PARD3: variants seen among roughly 807,000 people sequenced by gnomAD.
PARD3 encodes the protein partitioning defective 3 homolog.
A neutral mutation model predicts 155.4 loss-of-function variants in PARD3; 75 were observed. That is an observed-to-expected ratio of 0.48 (90% CI 0.40 to 0.58). The LOEUF (loss-of-function observed/expected upper bound fraction) is 0.58, where lower values mean the gene tolerates loss of function less well. PARD3 is among the 20% of genes least tolerant of loss of function. The probability of loss-of-function intolerance (pLI) is 0.00; values close to 1 mark genes in which losing one functional copy is unlikely to be tolerated. For synonymous variants in PARD3, 576 were observed against 610.5 expected, an observed-to-expected ratio of 0.94 and a Z score of 0.83; for missense variants, 1,642 against 1,721.7, an observed-to-expected ratio of 0.95 and a Z score of 0.82.
At chr10:34,715,536 G>A (rs529452798) in intron 1 of PARD3, among the ~76,000 whole-genome samples, 1 of 152,190 alleles carries the variant, frequency 6.6e-6, no homozygotes, top group African/African-American at 2.4e-5. Flanking sequence ...CCCTTCCCTT[G>A]CGGAAATCTT....
intron 15 of PARD3, chr10:34,346,584 C>A (rs756659278): frequency 1.8e-6 from 2 of 1,105,240 alleles, no homozygotes; most frequent in Non-Finnish European, 2.4e-6. Flanking sequence ...AAGATTTATA[C>A]CAAAGCCAAG....
chr10:34,438,031 C>T (rs2076275847), intron 5 of PARD3, among the ~76,000 whole-genome samples: 1 of 152,146 alleles, frequency 6.6e-6, no homozygotes, highest in Non-Finnish European at 1.5e-5. Flanking sequence ...CCCTCTGCCC[C>T]CTCACTCCCT....
intron 10 of PARD3, among the ~76,000 whole-genome samples, chr10:34,377,206 A>C (rs1480844954): frequency 6.6e-6 from 1 of 152,202 alleles, no homozygotes; most frequent in Non-Finnish European, 1.5e-5. Flanking sequence ...ACATTTCCAC[A>C]TTGCCAGACA....
intron 1 of PARD3, among the ~76,000 whole-genome samples, chr10:34,705,084 TA>T (rs1049981044): frequency 0.012 from 1,746 of 149,738 alleles, 33 homozygotes; most frequent in African/African-American, 0.041. Context: ...GTTCTGTTCT[TA>T]AAAAAAAAAT....
chr10:34,502,537 T>C (rs986109101), intron 3 of PARD3, among the ~76,000 whole-genome samples: 9 of 152,182 alleles, frequency 5.9e-5, no homozygotes, highest in Non-Finnish European at 7.3e-5. Context: ...TGATTTGTTA[T>C]AGCAAGAATA....
rs139162678 is a variant in PARD3 at position 34,129,676 on chromosome 10, C to CTTTTTTTTTT, written c.3540+1786_3540+1787insAAAAAAAAAA. On this transcript the variant is annotated intron_variant, in intron 23 of 24. Coordinates refer to ENST00000374788, the MANE Select transcript of PARD3 (RefSeq NM_001184785.2). Reference sequence around the variant, plus strand: ...TTACCCTTCCTCAAATCAAATGTTCCTTTTTTTTTGTAATGTCAAGCCTCT... The same window carrying CTTTTTTTTTT: ...TTACCCTTCCTCAAATCAAATGTTCCTTTTTTTTTTTTTTTTTTTGTAATGTCAAGCCTCT... Among the ~76,000 whole-genome samples, 59 of 119,934 alleles carry CTTTTTTTTTT rather than the reference C, an allele frequency of 4.9e-4. 2 individuals carry two copies. The highest frequency in any genetic ancestry group is 1.6e-3 in the African/African-American group (53 of 32,886). The allele number at this position is 119,934 out of a possible 152,430, so 78.7% of individuals were successfully genotyped here.
At chr10:34,261,701 G>A (rs7083805) in intron 22 of PARD3, among the ~76,000 whole-genome samples, 26,943 of 61,826 alleles carry the variant, frequency 0.44, 7,455 homozygotes, top group African/African-American at 0.68. Flanking sequence ...AGAAAGAAAG[G>A]AAGAAAGGAA....
At chr10:34,621,258 T>G (rs1233780216) in intron 2 of PARD3, among the ~76,000 whole-genome samples, 1 of 152,150 alleles carries the variant, frequency 6.6e-6, no homozygotes, top group African/African-American at 2.4e-5. Flanking sequence ...GAAGAGTCTC[T>G]GTCACCCAGG....
At chr10:34,197,068 C>G (rs1211202473) in intron 22 of PARD3, among the ~76,000 whole-genome samples, 2 of 152,122 alleles carry the variant, frequency 1.3e-5, no homozygotes, top group Admixed American at 6.5e-5. Flanking sequence ...ACCCACTACA[C>G]GAGCAATGTT....
At chr10:34,423,678 C>A (rs1034745376) in intron 5 of PARD3, among the ~76,000 whole-genome samples, 2 of 152,090 alleles carry the variant, frequency 1.3e-5, no homozygotes, top group Non-Finnish European at 2.9e-5. Context: ...CACTGATTCA[C>A]ATATACACAA....
intron 23 of PARD3, among the ~76,000 whole-genome samples, chr10:34,121,312 A>G (rs535847978): frequency 1.8e-4 from 28 of 152,350 alleles, no homozygotes; most frequent in African/African-American, 6.5e-4. Flanking sequence ...TTTATGAAAC[A>G]TCCCAATGGT....
At chr10:34,522,645 G>A (rs1354812068) in intron 2 of PARD3, among the ~76,000 whole-genome samples, 1 of 152,184 alleles carries the variant, frequency 6.6e-6, no homozygotes, top group African/African-American at 2.4e-5. Flanking sequence ...CACAGGAATA[G>A]TAATGGGAAA....
chr10:34,185,859 G>A (rs559196197), intron 22 of PARD3, among the ~76,000 whole-genome samples: 240 of 123,962 alleles, frequency 1.9e-3, no homozygotes, highest in Non-Finnish European at 3.0e-3. Flanking sequence ...TATTATATTT[G>A]CATAGGAATA....
chr10:34,536,797 T>G (rs1353008778), intron 2 of PARD3, among the ~76,000 whole-genome samples: 1 of 152,198 alleles, frequency 6.6e-6, no homozygotes, highest in East Asian at 1.9e-4. Context: ...ATCACCCTGC[T>G]CTTCTAAGCA....
intron 2 of PARD3, among the ~76,000 whole-genome samples, chr10:34,640,133 G>A (rs375308393): frequency 1.3e-5 from 2 of 152,322 alleles, no homozygotes; most frequent in East Asian, 1.9e-4. Context: ...CGAGGCTACA[G>A]CAATGAGGGT....
intron 2 of PARD3, among the ~76,000 whole-genome samples, chr10:34,559,684 T>C (rs11599915): frequency 0.02 from 3,087 of 152,298 alleles, 43 homozygotes; most frequent in Middle Eastern, 0.058. Context: ...TAAATCATTA[T>C]TCCAGAGTTT....
intron 21 of PARD3, among the ~76,000 whole-genome samples, chr10:34,275,530 C>T (rs1353554295): frequency 3.3e-5 from 5 of 152,158 alleles, no homozygotes; most frequent in South Asian, 4.1e-4. Flanking sequence ...AATTCACAAG[C>T]AAAATTAACA....
chr10:34,458,757 C>T (rs2077467298), intron 4 of PARD3, among the ~76,000 whole-genome samples: 1 of 152,194 alleles, frequency 6.6e-6, no homozygotes, highest in Admixed American at 6.5e-5. Flanking sequence ...CACTCTTAGA[C>T]TCTGAGGAAC....
intron 7 of PARD3, among the ~76,000 whole-genome samples, chr10:34,398,769 T>C (rs1269417640): frequency 2.0e-5 from 3 of 152,188 alleles, no homozygotes; most frequent in Non-Finnish European, 4.4e-5. Flanking sequence ...AGGATGCATG[T>C]TCTGTAAAGT....
Sources: gnomAD v4.1 joint callset for allele counts (sites outside exome capture counted in the v4.1 genomes callset) on GRCh38, gnomAD v4.1.1 for gene constraint, MANE v1.5 for transcripts, NCBI Gene and HGNC (gene_info 2026-07-23, HGNC 2026-07-21) for gene names.